ATE1: variants seen among roughly 807,000 people sequenced by gnomAD.
ATE1 encodes arginyltransferase 1, also known as arginyl-tRNA--protein transferase 1.
Under a neutral mutation model 70.5 loss-of-function variants are expected in ATE1, and 36 were observed. The observed-to-expected ratio is 0.51, with a 90% CI of 0.39 to 0.67. The LOEUF is 0.67. ATE1 is among the 30% of genes least tolerant of loss of function. The pLI, the probability that ATE1 is intolerant of heterozygous loss-of-function variation, is 0.00. For synonymous variants in ATE1, 232 were observed against 219.3 expected (o/e 1.06, Z -0.51); for missense variants, 593 against 629.5 (o/e 0.94, Z 0.62).
intron 7 of ATE1, among the ~76,000 whole-genome samples, chr10:121,874,709 A>C (rs78221918): frequency 0.075 from 11,475 of 152,244 alleles, 1,398 homozygotes; most frequent in African/African-American, 0.26. Context: ...AAAACATCTT[A>C]AAAGATGACA....
chr10:121,917,468 T>C (rs1376547068), intron 3 of ATE1, among the ~76,000 whole-genome samples: 1 of 152,180 alleles, frequency 6.6e-6, no homozygotes, highest in Non-Finnish European at 1.5e-5. Flanking sequence ...GAAGCATATT[T>C]ACACAGTCAC....
intron 8 of ATE1, among the ~76,000 whole-genome samples, chr10:121,868,288 TATTA>T (rs1397086169): frequency 1.3e-5 from 2 of 152,214 alleles, no homozygotes; most frequent in Non-Finnish European, 2.9e-5. Context: ...AAGAAATTCA[TATTA>T]ATTGCTTCTA....
intron 5 of ATE1, 133 bp from the exon 6 acceptor site, chr10:121,902,753 A>T: frequency 1.1e-6 from 1 of 885,416 alleles, no homozygotes; most frequent in Admixed American, 2.9e-5. Flanking sequence ...GATGTTTCAG[A>T]GGATCCTGAT....
chr10:121,794,311 T>C (rs1427808086), intron 10 of ATE1, among the ~76,000 whole-genome samples: 1 of 152,130 alleles, frequency 6.6e-6, no homozygotes, highest in Non-Finnish European at 1.5e-5. Flanking sequence ...CTGAATTTGG[T>C]ACAAAAATAT....
chr10:121,858,802 G>C (rs940573120), intron 8 of ATE1, among the ~76,000 whole-genome samples: 24 of 151,348 alleles, frequency 1.6e-4, no homozygotes, highest in Non-Finnish European at 2.7e-4. Context: ...AGGTATAAAA[G>C]CGATATGTAA....
upstream of ATE1, chr10:121,928,242 G>A (rs1184287820): frequency 5.7e-6 from 8 of 1,396,234 alleles, no homozygotes; most frequent in Non-Finnish European, 7.5e-6. Context: ...GGAGAGTCAA[G>A]AGGGGAAGGG....
intron 3 of ATE1, among the ~76,000 whole-genome samples, chr10:121,915,061 C>T (rs1156987151): frequency 6.6e-6 from 1 of 152,036 alleles, no homozygotes; most frequent in Non-Finnish European, 1.5e-5. Context: ...ACCAGACACT[C>T]GAGAAGAGCC....
At chr10:121,846,118 C>A (rs1948808968) in intron 8 of ATE1, among the ~76,000 whole-genome samples, 1 of 115,980 alleles carries the variant, frequency 8.6e-6, no homozygotes, top group South Asian at 3.8e-4. Context: ...AGTAAAGTAG[C>A]ACTATTCAAA....
intron 5 of ATE1, among the ~76,000 whole-genome samples, chr10:121,904,190 G>A (rs1167161538): frequency 1.3e-5 from 2 of 151,772 alleles, no homozygotes; most frequent in African/African-American, 4.8e-5. Flanking sequence ...CACCATGCTG[G>A]TCAGGCTGGT....
intron 7 of ATE1, among the ~76,000 whole-genome samples, chr10:121,889,733 A>T (rs1272173233): frequency 6.6e-6 from 1 of 152,150 alleles, no homozygotes; most frequent in African/African-American, 2.4e-5. Context: ...GGATCACTTC[A>T]GCCCAGAAGT....
At chr10:121,774,840 C>T (rs1590262224) in intron 11 of ATE1, among the ~76,000 whole-genome samples, 2 of 152,014 alleles carry the variant, frequency 1.3e-5, no homozygotes, top group Admixed American at 1.3e-4. Flanking sequence ...ATGACCCCCC[C>T]CAAAAAAATG....
chr10:121,841,351 A>G, intron 8 of ATE1, 88 bp from the exon 9 acceptor site: 1 of 972,080 alleles, frequency 1.0e-6, no homozygotes, highest in South Asian at 5.0e-5. Context: ...CCTCAGGTTA[A>G]TAAGTCCTTA....
At chr10:121,901,536 A>G (rs1389470986) in intron 6 of ATE1, among the ~76,000 whole-genome samples, 1 of 152,078 alleles carries the variant, frequency 6.6e-6, no homozygotes, top group African/African-American at 2.4e-5. Flanking sequence ...AGCTCGCTAC[A>G]ACCTCCACCT....
chr10:121,810,285 T>G lies in ATE1; in HGVS notation c.1258-19996A>C, dbSNP rs146799848. ...ATGTTTTTTGTTTGTTTGTTTGTTT[T>G]TTTGAGATGGAGTCTCACTCTGTCA... is the stretch of plus-strand genomic sequence containing the variant. On this transcript the variant is annotated intron_variant, in intron 10 of 11. Coordinates refer to ENST00000224652, the MANE Select transcript of ATE1 (RefSeq NM_001001976.3). Among the ~76,000 whole-genome samples, 1,277 of 152,302 alleles carry G rather than the reference T, an allele frequency of 8.4e-3. 19 individuals are homozygous for G. Among genetic ancestry groups the G allele is most frequent in the African/African-American group, 0.029 (1,221 of 41,546 alleles).
intron 7 of ATE1, among the ~76,000 whole-genome samples, chr10:121,876,477 A>G (rs936920751): frequency 6.6e-6 from 1 of 151,878 alleles, no homozygotes; most frequent in Non-Finnish European, 1.5e-5. Context: ...TTTTATAAAT[A>G]GAAATGGTGG....
At chr10:121,787,113 A>G (rs956443324) in intron 11 of ATE1, among the ~76,000 whole-genome samples, 2 of 152,118 alleles carry the variant, frequency 1.3e-5, no homozygotes, top group African/African-American at 4.8e-5. Context: ...TAGGGGGAAA[A>G]CGTGATTTTC....
At chr10:121,751,062 AG>A (rs2135707759) in intron 11 of ATE1, among the ~76,000 whole-genome samples, 2 of 152,372 alleles carry the variant, frequency 1.3e-5, no homozygotes, top group South Asian at 4.1e-4. Flanking sequence ...CAGTTGTGAC[AG>A]AAATAACAAG....
chr10:121,876,709 G>C (rs1260518066), intron 7 of ATE1, among the ~76,000 whole-genome samples: 1 of 152,166 alleles, frequency 6.6e-6, no homozygotes, highest in African/African-American at 2.4e-5. Context: ...GCTCACGCCT[G>C]TAATCCCAGC....
chr10:121,788,606 C>A (rs1286988439), intron 11 of ATE1, among the ~76,000 whole-genome samples: 4 of 152,182 alleles, frequency 2.6e-5, no homozygotes, highest in African/African-American at 9.7e-5. Context: ...CCTTTCCCCA[C>A]CCCCTTATCT....
Sources: allele counts gnomAD v4.1 joint callset (sites outside exome capture counted in the v4.1 genomes callset), GRCh38; gene constraint gnomAD v4.1.1; transcripts MANE v1.5; gene names NCBI Gene and HGNC (gene_info 2026-07-23, HGNC 2026-07-21).